JPH2: variants seen among roughly 807,000 people sequenced by gnomAD.
The protein encoded by JPH2 is junctophilin 2.
Under a neutral mutation model 55.9 loss-of-function variants are expected in JPH2, and 38 were observed. The observed-to-expected ratio is 0.68, with a 90% CI of 0.52 to 0.89. JPH2 has a LOEUF of 0.89. JPH2 is among the 40% of genes least tolerant of loss of function. The pLI is 0.00. For missense variants in JPH2, 964 were observed against 1,037.6 expected, an observed-to-expected ratio of 0.93 and a Z score of 0.97; for synonymous variants, 480 against 472.4, an observed-to-expected ratio of 1.02 and a Z score of -0.21.
In JPH2 at chr20:44,116,315, CG is replaced by C; in HGVS notation, c.1359del (p.Asp454ThrfsTer54). ...LENSESLLEPPDRGAGAAGLP... is the reference protein window; with the variant it reads ...LENSESLLEPXDRGAGAAGLP... Reference sequence around the variant, plus strand: ...AGGCCCGCTGCGCCGGCGCCCCGGTCGGGGGGCTCCAGCAGGCTCTCCGAGT... The same window carrying C: ...AGGCCCGCTGCGCCGGCGCCCCGGTCGGGGGCTCCAGCAGGCTCTCCGAGT... On this transcript the variant is annotated frameshift_variant, in exon 4 of 6. Transcript: ENST00000372980. LOFTEE classifies it high-confidence loss of function. 2 of 1,543,490 alleles carry C rather than the reference CG, an allele frequency of 1.3e-6. No individual in the cohort carries two copies. Among genetic ancestry groups the C allele is most frequent in the Middle Eastern group, 2.1e-4 (1 of 4,652 alleles).
intron 2 of JPH2, among the ~76,000 whole-genome samples, chr20:44,141,404 T>A (rs1324562263): frequency 6.6e-6 from 1 of 152,056 alleles, no homozygotes; most frequent in African/African-American, 2.4e-5. Context: ...GAAAGGCAGA[T>A]GGAGGCGGGT....
intron 2 of JPH2, among the ~76,000 whole-genome samples, chr20:44,155,619 A>G (rs2072560346): frequency 6.6e-6 from 1 of 152,192 alleles, no homozygotes; most frequent in African/African-American, 2.4e-5. Flanking sequence ...GTAACTGTAC[A>G]TCAGAGAAAC....
chr20:44,114,317 C>T (rs747507963), intron 5 of JPH2, among the ~76,000 whole-genome samples: 3 of 152,126 alleles, frequency 2.0e-5, no homozygotes, highest in African/African-American at 4.8e-5. Context: ...AGTGTCCCAC[C>T]GTCCCAGGTG....
rs2072182869 is a variant in JPH2 at position 44,115,663 on chromosome 20, A to ACCTCTT, written c.2006_2010+1dup. ...TAGGCACACCTTGCCCGACAGCCTC[A>ACCTCTT]CCTCTTCCACCTCCACCTCCGCCTC... On this transcript the variant is annotated splice_donor_variant, in intron 4 of 5. Transcript: ENST00000372980. LOFTEE classifies it high-confidence loss of function. 14 of 1,611,486 alleles carry ACCTCTT rather than the reference A, an allele frequency of 8.7e-6. No homozygotes were observed. Among genetic ancestry groups the ACCTCTT allele is most frequent in the Non-Finnish European group, 1.2e-5 (14 of 1,179,758 alleles).
At chr20:44,184,281 C>T (rs1351062240) in intron 1 of JPH2, among the ~76,000 whole-genome samples, 3 of 152,074 alleles carry the variant, frequency 2.0e-5, no homozygotes, top group Non-Finnish European at 4.4e-5. Flanking sequence ...TGTTCTTCTT[C>T]TTCTTCTTCT....
At chr20:44,179,914 T>A (rs1039311418) in intron 1 of JPH2, among the ~76,000 whole-genome samples, 12 of 152,220 alleles carry the variant, frequency 7.9e-5, no homozygotes, top group Admixed American at 7.9e-4. Flanking sequence ...GAGGTTGTTG[T>A]GTGAAGGTTT....
Position 44,116,214 on chromosome 20 carries a change from C to A in JPH2, c.1461G>T (p.Pro487=). 7.2e-7 allele frequency: 1 copy of A among 1,395,026 alleles called. No homozygotes were observed. The highest frequency in any genetic ancestry group is 9.2e-7 in the Non-Finnish European group (1 of 1,086,254). The allele number at this position is 1,395,026 out of a possible 1,614,324, so 86.4% of individuals were successfully genotyped here. A position where few individuals can be genotyped will look rare whatever the true frequency, so the allele number is the denominator to read the frequency against. The part of the protein sequence containing the change: ...TPRPEGGSPS[P]AGTPPQPKRP... ...GCTTGGGCTGCGGGGGCGTCCCGGC[C>A]GGTGACGGGGAGCCACCCTCGGGCC... is the stretch of plus-strand genomic sequence containing the variant. The change falls in exon 4 of 6, where the codon CCG becomes CCT. Residue 487 remains proline, a synonymous_variant. Coordinates refer to ENST00000372980, the MANE Select transcript of JPH2 (RefSeq NM_020433.5).
At position 44,108,299 on chromosome 20, in the gene JPH2, C is replaced by G. The variant is rs772999091; in HGVS notation, c.*5219G>C. Among the ~76,000 whole-genome samples the G allele has an allele frequency of 6.6e-6, 1 of 152,126 alleles. No homozygotes were observed. The highest frequency in any genetic ancestry group is 1.5e-5 in the Non-Finnish European group (1 of 68,030). Reference sequence around the variant, plus strand: ...CCCTTTCCCTTGGCTGGTTCTGATTCGCATTCTTTGCTTGTAATCAATGTG... The same window carrying G: ...CCCTTTCCCTTGGCTGGTTCTGATTGGCATTCTTTGCTTGTAATCAATGTG... On this transcript the variant is annotated 3_prime_UTR_variant, in exon 6 of 6. Transcript: ENST00000372980.
chr20:44,140,471 G>A (rs1039619445), intron 2 of JPH2, among the ~76,000 whole-genome samples: 1 of 152,184 alleles, frequency 6.6e-6, no homozygotes, highest in African/African-American at 2.4e-5. Context: ...GCACCAGGCT[G>A]CCATGACTTT....
At chr20:44,155,568 G>C (rs2145875567) in intron 2 of JPH2, among the ~76,000 whole-genome samples, 1 of 152,308 alleles carries the variant, frequency 6.6e-6, no homozygotes, top group South Asian at 2.1e-4. Flanking sequence ...GCTGCACTGA[G>C]TGTCTGAATT....
At chr20:44,181,811 C>T (rs1197727963) in intron 1 of JPH2, among the ~76,000 whole-genome samples, 1 of 152,104 alleles carries the variant, frequency 6.6e-6, no homozygotes, top group East Asian at 1.9e-4. Context: ...GGTCAGCTGC[C>T]CACTCTGGCT....
At chr20:44,127,495 T>TC (rs1043621434) in intron 2 of JPH2, among the ~76,000 whole-genome samples, 2 of 151,840 alleles carry the variant, frequency 1.3e-5, no homozygotes, top group Non-Finnish European at 2.9e-5. Context: ...TTCTTTTTTT[T>TC]TTTTTTTGGA....
At position 44,187,142 on chromosome 20, in the gene JPH2, C is replaced by A; in HGVS notation, c.-437G>T. 1 of 192,800 alleles carries A rather than the reference C, an allele frequency of 5.2e-6. No homozygotes were observed. Among genetic ancestry groups the A allele is most frequent in the Non-Finnish European group, 1.1e-5 (1 of 93,532 alleles). 11.9% of individuals were successfully genotyped at this position (192,800 alleles called of 1,614,324 possible). ...GCCCCCGCCGGAGGCTGAATTCCCG[C>A]AGCCCGCTGGCCCCCTTCTCCACCC... On this transcript the variant is annotated 5_prime_UTR_variant, in exon 1 of 6. Transcript: ENST00000372980.
intron 2 of JPH2, among the ~76,000 whole-genome samples, chr20:44,151,237 C>T (rs192300117): frequency 7.8e-4 from 118 of 152,244 alleles, no homozygotes; most frequent in African/African-American, 2.7e-3. Context: ...CAAGAGTTGG[C>T]TGGGCACAGT....
chr20:44,159,033 T>C lies in JPH2; in HGVS notation c.1169+585A>G, dbSNP rs529983370. ...GATGAATGGATGGGTGATGAGCTGGTTGAGTAGGTAAAAGGATGAAAAATT... is the reference window on the plus strand; with the variant it reads ...GATGAATGGATGGGTGATGAGCTGGCTGAGTAGGTAAAAGGATGAAAAATT... On this transcript the variant is annotated intron_variant, in intron 2 of 5. Coordinates refer to ENST00000372980, the MANE Select transcript of JPH2 (RefSeq NM_020433.5). This position sits in a 1 kb window ranked among gnomAD's most constrained non-coding sequence, Gnocchi z 5.7. Among the ~76,000 whole-genome samples, 1 of 151,842 alleles carries C rather than the reference T, an allele frequency of 6.6e-6. No individual in the cohort carries two copies. The highest frequency in any genetic ancestry group is 6.6e-5 in the Admixed American group (1 of 15,220).
chr20:44,163,241 A>C (rs1401354467), intron 1 of JPH2, among the ~76,000 whole-genome samples: 1 of 152,090 alleles, frequency 6.6e-6, no homozygotes, highest in East Asian at 1.9e-4. Context: ...TGACTGACTA[A>C]ACCTGTTCAA....
rs2072854690 is a variant in JPH2, at chr20:44,187,062, G to A, written c.-357C>T. On this transcript the variant is annotated 5_prime_UTR_variant, in exon 1 of 6. Coordinates refer to ENST00000372980, the MANE Select transcript of JPH2 (RefSeq NM_020433.5). ...TCTCTTTAAGAAGCCCAGTGAAAGG[G>A]TGGGGTGGAGGGGTCCCCAGCCTTT... 1 of 276,760 alleles carries A rather than the reference G, an allele frequency of 3.6e-6. No individual in the cohort carries two copies. Among genetic ancestry groups the A allele is most frequent in the Non-Finnish European group, 6.9e-6 (1 of 145,982 alleles). The allele number at this position is 276,760 out of a possible 1,614,324, so 17.1% of individuals were successfully genotyped here. A position where few individuals can be genotyped will look rare whatever the true frequency, so the allele number is the denominator to read the frequency against.
chr20:44,153,059 G>T (rs2072542524), intron 2 of JPH2, among the ~76,000 whole-genome samples: 1 of 152,196 alleles, frequency 6.6e-6, no homozygotes, highest in Admixed American at 6.5e-5. Flanking sequence ...AAGTAGAGAT[G>T]GTGTGTGAAG....
At chr20:44,145,599 A>T (rs942139899) in intron 2 of JPH2, among the ~76,000 whole-genome samples, 1 of 145,938 alleles carries the variant, frequency 6.9e-6, no homozygotes, top group African/African-American at 2.6e-5. Context: ...GTGAAACTCG[A>T]TCTCAAAAAA....
Sources: gnomAD v4.1 joint callset for allele counts (sites outside exome capture counted in the v4.1 genomes callset) on GRCh38, gnomAD v4.1.1 for gene constraint, Gnocchi (gnomAD v3.1) non-coding constraint, MANE v1.5 for transcripts, NCBI Gene and HGNC (gene_info 2026-07-23, HGNC 2026-07-21) for gene names.